Variants in PSMA1 observed in about 807,000 individuals in gnomAD.
PSMA1 encodes the protein proteasome subunit alpha type-1.
PSMA1 carries 3 observed loss-of-function variants against 38.4 expected under a neutral mutation model. That is an observed-to-expected ratio of 0.08 (90% CI 0.04 to 0.20). The LOEUF (loss-of-function observed/expected upper bound fraction) is 0.20, where lower values mean the gene tolerates loss of function less well. PSMA1 is among the 10% of genes least tolerant of loss of function. PSMA1 has a pLI of 1.00. For synonymous variants in PSMA1, 101 were observed against 107.1 expected (o/e 0.94, Z 0.35); for missense variants, 227 against 325.3 (o/e 0.70, Z 2.32).
At chr11:14,532,197 A>G (rs2134159882) in intron 2 of PSMA1, among the ~76,000 whole-genome samples, 1 of 152,314 alleles carries the variant, frequency 6.6e-6, no homozygotes, top group South Asian at 2.1e-4. Context: ...TAGGTCTAAA[A>G]CAGCTGGAAA....
chr11:14,635,213 C>T (rs566002223), intron 1 of PSMA1, among the ~76,000 whole-genome samples: 144 of 152,254 alleles, frequency 9.5e-4, no homozygotes, highest in African/African-American at 3.3e-3. Context: ...GGTTAAAGAG[C>T]CATAGTTTTG....
At chr11:14,521,077 A>G (rs1455563662), upstream of PSMA1, among the ~76,000 whole-genome samples, 1 of 148,914 alleles carries the variant, frequency 6.7e-6, no homozygotes, top group African/African-American at 2.5e-5. Flanking sequence ...GAAAAAATGG[A>G]CACTTTCTTT....
At chr11:14,639,697 G>A (rs1853173324) in intron 1 of PSMA1, among the ~76,000 whole-genome samples, 1 of 152,160 alleles carries the variant, frequency 6.6e-6, no homozygotes, top group South Asian at 2.1e-4. Context: ...TTAAGCCATA[G>A]GATACTTGAG....
chr11:14,639,055 A>G (rs1853165508), intron 1 of PSMA1, among the ~76,000 whole-genome samples: 1 of 152,190 alleles, frequency 6.6e-6, no homozygotes, highest in African/African-American at 2.4e-5. Flanking sequence ...AATTTGTGTC[A>G]GAGATACAAT....
rs1853163856 is a variant in PSMA1, at chr11:14,638,978, A to C, written c.-166+4477T>G. ...TAGATTTATAATAAAAAATCCAGGA[A>C]ATTTCTGGGTAAGCGTTATAGATTT... On this transcript the variant is annotated intron_variant, in intron 1 of 10. Transcript: ENST00000418988. 3.3e-5 allele frequency among the ~76,000 whole-genome samples: 5 copies of C among 152,166 alleles called. No individual in the cohort carries two copies. The South Asian group carries it at 1.0e-3, about 32-fold the overall frequency.
intron 2 of PSMA1, among the ~76,000 whole-genome samples, chr11:14,577,402 C>G (rs1398858748): frequency 6.6e-6 from 1 of 152,086 alleles, no homozygotes; most frequent in Non-Finnish European, 1.5e-5. Flanking sequence ...AATACTACTA[C>G]TAATTTTCTC....
chr11:14,625,404 T>G (rs965220266), intron 1 of PSMA1, among the ~76,000 whole-genome samples: 5 of 152,146 alleles, frequency 3.3e-5, no homozygotes, highest in African/African-American at 1.2e-4. Context: ...GCTGAGATTG[T>G]GCCACTGCAC....
At chr11:14,533,267 T>C (rs1420589245) in intron 2 of PSMA1, among the ~76,000 whole-genome samples, 1 of 152,228 alleles carries the variant, frequency 6.6e-6, no homozygotes, top group African/African-American at 2.4e-5. Flanking sequence ...ATTATAGAAG[T>C]ACCTGGAATT....
chr11:14,557,364 A>G (rs1370688388), intron 2 of PSMA1, among the ~76,000 whole-genome samples: 1 of 151,984 alleles, frequency 6.6e-6, no homozygotes, highest in Non-Finnish European at 1.5e-5. Context: ...TAGCCTCCAG[A>G]GTAGCTGGGA....
At chr11:14,561,809 T>TTAAGC (rs1852011737) in intron 2 of PSMA1, among the ~76,000 whole-genome samples, 1 of 147,816 alleles carries the variant, frequency 6.8e-6, no homozygotes, top group Admixed American at 6.8e-5. Flanking sequence ...CTAAACTAAA[T>TTAAGC]TAAACTAAAC....
chr11:14,561,343 T>C (rs563307926), intron 2 of PSMA1, among the ~76,000 whole-genome samples: 78 of 152,318 alleles, frequency 5.1e-4, no homozygotes, highest in African/African-American at 1.9e-3. Context: ...CAGTCCACTA[T>C]CTATACATCT....
rs377316820 is a variant in PSMA1 at position 14,514,390 on chromosome 11, A to G, written c.343+13T>C. On this transcript the variant is annotated intron_variant, in intron 5 of 9. Coordinates refer to ENST00000396394, the MANE Select transcript of PSMA1 (RefSeq NM_002786.4). ...AAAGTTCATATCCATAAATGCTAAC[A>G]TAAAAAGGATACTGCTTCCAATTAG... is the stretch of plus-strand genomic sequence containing the variant. The G allele has an allele frequency of 2.5e-6, 4 of 1,597,072 alleles. No homozygotes were observed. The African/African-American group carries it at 4.0e-5, about 16-fold the overall frequency.
chr11:14,523,450 TTG>T (rs1325557513), upstream of PSMA1, among the ~76,000 whole-genome samples: 1 of 152,076 alleles, frequency 6.6e-6, no homozygotes, highest in Non-Finnish European at 1.5e-5. Flanking sequence ...TTAAAATTTT[TTG>T]TAGAGACAGG....
At chr11:14,594,055 G>A (rs972970453) in intron 2 of PSMA1, among the ~76,000 whole-genome samples, 1 of 152,210 alleles carries the variant, frequency 6.6e-6, no homozygotes, top group Non-Finnish European at 1.5e-5. Context: ...AGGCACATAG[G>A]AAGAGATGTT....
intron 1 of PSMA1, among the ~76,000 whole-genome samples, chr11:14,616,487 C>A (rs1233477137): frequency 6.6e-6 from 1 of 152,124 alleles, no homozygotes; most frequent in African/African-American, 2.4e-5. Flanking sequence ...CTGCCTCGGC[C>A]TTCCAAAGTG....
At chr11:14,584,329 C>T (rs1272169824) in intron 2 of PSMA1, among the ~76,000 whole-genome samples, 4 of 152,212 alleles carry the variant, frequency 2.6e-5, no homozygotes, top group African/African-American at 9.6e-5. Context: ...AAGGACCTCT[C>T]TTTTTGTTTT....
At chr11:14,599,001 TA>T in intron 2 of PSMA1, among the ~76,000 whole-genome samples, 1 of 152,260 alleles carries the variant, frequency 6.6e-6, no homozygotes, top group East Asian at 1.9e-4. Context: ...TTATGAAGCT[TA>T]GTTTGGCTGG....
At chr11:14,543,557 G>T (rs1442084662) in intron 2 of PSMA1, among the ~76,000 whole-genome samples, 1 of 151,536 alleles carries the variant, frequency 6.6e-6, no homozygotes, top group East Asian at 1.9e-4. Context: ...CAATAAGGAG[G>T]ATTTATTGGC....
chr11:14,630,844 C>G (rs1426371388), intron 1 of PSMA1, among the ~76,000 whole-genome samples: 1 of 152,102 alleles, frequency 6.6e-6, no homozygotes, highest in African/African-American at 2.4e-5. Context: ...AATTTCAGCT[C>G]CTGTTATTGG....
Sources: allele counts gnomAD v4.1 joint callset (sites outside exome capture counted in the v4.1 genomes callset), GRCh38; gene constraint gnomAD v4.1.1; transcripts MANE v1.5; gene names NCBI Gene and HGNC (gene_info 2026-07-23, HGNC 2026-07-21).